TJP1: variants seen among roughly 807,000 people sequenced by gnomAD.
TJP1 encodes tight junction protein 1.
A neutral mutation model predicts 194.2 loss-of-function variants in TJP1; 43 were observed. The ratio of observed to expected loss-of-function variants is 0.22; its 90% CI spans 0.17 to 0.29. The LOEUF is 0.29. Ranked by LOEUF, TJP1 falls within the 10% of genes least tolerant of loss-of-function variation. The probability of loss-of-function intolerance (pLI) is 1.00; values close to 1 mark genes in which losing one functional copy is unlikely to be tolerated. For missense variants in TJP1, 1,971 were observed against 2,185.7 expected, an observed-to-expected ratio of 0.90 and a Z score of 1.96; for synonymous variants, 801 against 779.0, an observed-to-expected ratio of 1.03 and a Z score of -0.47.
intron 1 of TJP1, chr15:29,968,566 C>A: frequency 1.2e-6 from 1 of 836,042 alleles, no homozygotes; most frequent in South Asian, 5.3e-5. Context: ...GGCCTCGCCC[C>A]CCGCCCGACC....
At chr15:29,730,796 G>A in intron 15 of TJP1, 1 of 787,930 alleles carries the variant, frequency 1.3e-6, no homozygotes, top group Non-Finnish European at 2.3e-6. Flanking sequence ...CCGCGAGGTT[G>A]TCTGCTAAAC....
chr15:29,705,631 A>G lies in TJP1; in HGVS notation c.4965T>C (p.Ser1655=), dbSNP rs1462403585. ...GVLSSIETGV[S]IIIPQGAIPE... is the part of the protein sequence containing the mutation. The stretch of plus-strand genomic sequence containing the variant: ...GAATGGCTCCTTGAGGGATAATTAT[A>G]CTAACACCAGTTTCTATGGAACTCA... Residue 1655 remains serine (S), a synonymous_variant, in exon 26 of 28, where the codon AGT becomes AGC. Coordinates refer to ENST00000614355, the MANE Select transcript of TJP1 (RefSeq NM_001330239.4). 6 of 1,614,186 alleles carry G rather than the reference A, an allele frequency of 3.7e-6. No homozygotes were observed. Among genetic ancestry groups the G allele is most frequent in the Admixed American group, 3.3e-5 (2 of 60,024 alleles).
In TJP1 at chr15:29,718,721, CG is replaced by C; in HGVS notation, c.3420del (p.Tyr1140Ter). The C allele has an allele frequency of 6.2e-7, 1 of 1,614,088 alleles. No homozygotes were observed. Among genetic ancestry groups the C allele is most frequent in the South Asian group, 1.1e-5 (1 of 91,080 alleles). On this transcript the variant is annotated frameshift_variant, in exon 21 of 28. Coordinates refer to ENST00000614355, the MANE Select transcript of TJP1 (RefSeq NM_001330239.4). LOFTEE classifies it high-confidence loss of function. ...PRFEEPAPLS[Y>X]DSRPRYEQAP... is the part of the protein sequence containing the mutation. ...GCCTGTTCGTAACGTGGTCTGCTGT[CG>C]TAAGACAGAGGGGCTGGCTCTTCAA...
chr15:29,725,371 T>C (rs1425563096), intron 18 of TJP1, among the ~76,000 whole-genome samples: 1 of 152,106 alleles, frequency 6.6e-6, no homozygotes, highest in African/African-American at 2.4e-5. Context: ...GTAGAGGACA[T>C]GGGGGGTCCT....
At chr15:29,956,900 T>A (rs11296477) in intron 1 of TJP1, among the ~76,000 whole-genome samples, 41,712 of 146,262 alleles carry the variant, frequency 0.29, 6,323 homozygotes, top group East Asian at 0.51. Flanking sequence ...GGTTTTTTTT[T>A]AAAAAAAGAT....
chr15:29,903,094 G>A (rs1024130170), intron 2 of TJP1, among the ~76,000 whole-genome samples: 1 of 152,008 alleles, frequency 6.6e-6, no homozygotes, highest in Admixed American at 6.6e-5. Context: ...CACACTAGAA[G>A]GGGGCCCTTG....
intron 2 of TJP1, among the ~76,000 whole-genome samples, chr15:29,849,168 A>C (rs1171981805): frequency 6.6e-6 from 1 of 152,150 alleles, no homozygotes; most frequent in African/African-American, 2.4e-5. Context: ...CCCTTGGCTA[A>C]AAAATAATTT....
intron 18 of TJP1, among the ~76,000 whole-genome samples, chr15:29,723,081 T>A (rs2151161278): frequency 6.6e-6 from 1 of 152,338 alleles, no homozygotes; most frequent in Non-Finnish European, 1.5e-5. Context: ...TTGTCTCAGA[T>A]GAGACTTTGA....
intron 8 of TJP1, among the ~76,000 whole-genome samples, chr15:29,749,772 G>C (rs899018642): frequency 4.6e-5 from 7 of 152,194 alleles, no homozygotes; most frequent in Admixed American, 3.3e-4. Context: ...GAGGATGAGT[G>C]AGTGGGAGCC....
chr15:29,722,469 G>A (rs1340429018), intron 18 of TJP1, among the ~76,000 whole-genome samples: 1 of 152,230 alleles, frequency 6.6e-6, no homozygotes, highest in African/African-American at 2.4e-5. Flanking sequence ...GGTGCACAGA[G>A]GGAGACAGTT....
chr15:29,907,789 T>A (rs1205796012), intron 2 of TJP1, among the ~76,000 whole-genome samples: 1 of 151,854 alleles, frequency 6.6e-6, no homozygotes, highest in Non-Finnish European at 1.5e-5. Context: ...TTCCCCCAGG[T>A]TCCCGCGACC....
intron 2 of TJP1, among the ~76,000 whole-genome samples, chr15:29,858,877 G>GT (rs1168804547): frequency 6.6e-6 from 1 of 151,828 alleles, no homozygotes; most frequent in Non-Finnish European, 1.5e-5. Flanking sequence ...TATATTTTTT[G>GT]TTTTTTTGTT....
chr15:29,745,648 C>G (rs1167106768), intron 8 of TJP1, among the ~76,000 whole-genome samples: 1 of 152,154 alleles, frequency 6.6e-6, no homozygotes, highest in East Asian at 1.9e-4. Context: ...TTGAACAACA[C>G]AAACACACTC....
In TJP1 at chr15:29,766,409, C is replaced by CTGTTAACCACACCACTCCG; in HGVS notation, c.427_445dup (p.Arg149ThrfsTer6). On this transcript the variant is annotated stop_gained and frameshift_variant, in exon 5 of 28. Transcript: ENST00000614355. LOFTEE classifies it high-confidence loss of function. ...CCTCGGCCAAATCTTCTCACTCCTT[C>CTGTTAACCACACCACTCCG]TGTTAACCACACCACTCCGGCCACT... 1 of 1,614,210 alleles carries CTGTTAACCACACCACTCCG rather than the reference C, an allele frequency of 6.2e-7. No homozygotes were observed. The highest frequency in any genetic ancestry group is 8.5e-7 in the Non-Finnish European group (1 of 1,180,044).
At chr15:29,885,763 A>G (rs1256379843) in intron 2 of TJP1, among the ~76,000 whole-genome samples, 2 of 152,242 alleles carry the variant, frequency 1.3e-5, no homozygotes, top group Non-Finnish European at 2.9e-5. Flanking sequence ...CAATCCTTTA[A>G]GTAGAGTAAA....
At chr15:29,890,167 A>G (rs369389975) in intron 2 of TJP1, among the ~76,000 whole-genome samples, 70 of 152,200 alleles carry the variant, frequency 4.6e-4, no homozygotes, top group African/African-American at 1.5e-3. Context: ...ACCTCGCCAA[A>G]TGTGAAAGCC....
intron 2 of TJP1, among the ~76,000 whole-genome samples, chr15:29,955,414 G>A (rs1490190259): frequency 6.6e-6 from 1 of 151,968 alleles, no homozygotes; most frequent in African/African-American, 2.4e-5. Flanking sequence ...GGGCCTGAAA[G>A]TGCCAGTGTT....
chr15:29,871,673 T>C (rs1030302578), intron 2 of TJP1, among the ~76,000 whole-genome samples: 2 of 152,188 alleles, frequency 1.3e-5, no homozygotes, highest in African/African-American at 4.8e-5. Context: ...GTCTTGGGCA[T>C]ACAGCCCCAC....
intron 2 of TJP1, among the ~76,000 whole-genome samples, chr15:29,922,965 CTG>C (rs5811589): frequency 0.19 from 28,903 of 151,978 alleles, 2,846 homozygotes; most frequent in East Asian, 0.35. Context: ...TATGAAAAAA[CTG>C]TTTAATCTGA....
Sources: gnomAD v4.1 joint callset for allele counts (sites outside exome capture counted in the v4.1 genomes callset) on GRCh38, gnomAD v4.1.1 for gene constraint, MANE v1.5 for transcripts, NCBI Gene and HGNC (gene_info 2026-07-23, HGNC 2026-07-21) for gene names.